MTUS2: variants seen among roughly 807,000 people sequenced by gnomAD.
MTUS2 encodes the protein microtubule-associated tumor suppressor candidate 2.
MTUS2 carries 40 observed loss-of-function variants against 114.1 expected under a neutral mutation model. The observed-to-expected ratio is 0.35, with a 90% CI of 0.27 to 0.46. The LOEUF (loss-of-function observed/expected upper bound fraction) is 0.46, where lower values mean the gene tolerates loss of function less well. MTUS2 is among the 20% of genes least tolerant of loss of function. MTUS2 has a pLI of 1.00. For synonymous variants in MTUS2, 688 were observed against 672.0 expected, an observed-to-expected ratio of 1.02 and a Z score of -0.37; for missense variants, 1,679 against 1,705.4, an observed-to-expected ratio of 0.98 and a Z score of 0.27.
At chr13:29,447,286 G>A (rs965621837) in intron 9 of MTUS2, among the ~76,000 whole-genome samples, 3 of 152,050 alleles carry the variant, frequency 2.0e-5, no homozygotes, top group South Asian at 4.2e-4. Context: ...GTCATGAACC[G>A]GGAGACCTCA....
intron 8 of MTUS2, among the ~76,000 whole-genome samples, chr13:29,366,394 C>A (rs781483179): frequency 1.3e-5 from 2 of 152,134 alleles, no homozygotes; most frequent in Non-Finnish European, 2.9e-5. Flanking sequence ...CCACCAGGTC[C>A]CTCCCATAAC....
Position 29,025,021 on chromosome 13 carries a change from T to C in MTUS2, c.323T>C (p.Leu108Pro). The C allele has an allele frequency of 6.2e-7, 1 of 1,613,926 alleles. No individual in the cohort carries two copies. The highest frequency in any genetic ancestry group is 1.3e-5 in the African/African-American group (1 of 75,036). Residue 108 changes from leucine to proline, a missense_variant, in exon 3 of 16, where the codon CTC becomes CCC. Coordinates refer to ENST00000612955, the MANE Select transcript of MTUS2 (RefSeq NM_001033602.4). ...FRLSSTIQRE[L>P]NEEHTVERGT... ...CTTTCTTCAACCATTCAGAGGGAAC[T>C]CAATGAAGAGCACACAGTGGAGAGA...
intron 5 of MTUS2, among the ~76,000 whole-genome samples, chr13:29,223,040 C>A (rs1348692611): frequency 6.6e-6 from 1 of 152,182 alleles, no homozygotes; most frequent in Non-Finnish European, 1.5e-5. Flanking sequence ...ACAGTCTGGA[C>A]ACTGTGGGCA....
At chr13:28,877,514 G>C (rs1248426186) in intron 2 of MTUS2, among the ~76,000 whole-genome samples, 1 of 152,128 alleles carries the variant, frequency 6.6e-6, no homozygotes, top group Admixed American at 6.6e-5. Flanking sequence ...TTTATAACTT[G>C]TAAGACAGTA....
chr13:29,196,739 G>T (rs7332404), intron 5 of MTUS2, among the ~76,000 whole-genome samples: 12 of 152,098 alleles, frequency 7.9e-5, no homozygotes, highest in African/African-American at 2.7e-4. Context: ...TTCATTTAGC[G>T]TGATGTCTCT....
At chr13:29,167,506 A>C (rs889169782) in intron 5 of MTUS2, among the ~76,000 whole-genome samples, 9 of 151,820 alleles carry the variant, frequency 5.9e-5, no homozygotes, top group African/African-American at 2.2e-4. Context: ...AATCACTTCA[A>C]TTGTTGAAAA....
intron 9 of MTUS2, among the ~76,000 whole-genome samples, chr13:29,453,740 C>G (rs1295208169): frequency 6.7e-6 from 1 of 149,320 alleles, no homozygotes; most frequent in Non-Finnish European, 1.5e-5. Flanking sequence ...GAAGACAGTT[C>G]TGTTTCCATA....
At chr13:29,390,148 A>G in intron 8 of MTUS2, among the ~76,000 whole-genome samples, 1 of 104,426 alleles carries the variant, frequency 9.6e-6, no homozygotes. Flanking sequence ...CTATATATAT[A>G]TACACACACA....
At chr13:29,370,030 G>A (rs1416765245) in intron 8 of MTUS2, among the ~76,000 whole-genome samples, 1 of 152,164 alleles carries the variant, frequency 6.6e-6, no homozygotes, top group African/African-American at 2.4e-5. Context: ...CTTTTAATGT[G>A]AATGGTCTAA....
At chr13:29,371,042 A>T (rs1465234797) in intron 8 of MTUS2, among the ~76,000 whole-genome samples, 1 of 152,210 alleles carries the variant, frequency 6.6e-6, no homozygotes, top group East Asian at 1.9e-4. Flanking sequence ...TTGTGTGCTC[A>T]GGTGATGTTC....
chr13:28,946,536 A>G (rs1404919557), intron 2 of MTUS2, among the ~76,000 whole-genome samples: 1 of 152,222 alleles, frequency 6.6e-6, no homozygotes, highest in Non-Finnish European at 1.5e-5. Context: ...AACAACTATT[A>G]TGTAACATCA....
At chr13:29,441,018 C>T (rs546835761) in intron 9 of MTUS2, among the ~76,000 whole-genome samples, 4 of 152,324 alleles carry the variant, frequency 2.6e-5, no homozygotes, top group South Asian at 4.1e-4. Context: ...CCTGTGAGTT[C>T]TGTGACTTCT....
At chr13:29,492,579 C>G in intron 11 of MTUS2, 67 bp from the exon 12 acceptor site, 2 of 1,356,398 alleles carry the variant, frequency 1.5e-6, no homozygotes, top group East Asian at 2.3e-5. Flanking sequence ...TTAAGTCTGC[C>G]AAAAGAGCCT....
At chr13:29,040,047 T>C (rs926438987) in intron 4 of MTUS2, among the ~76,000 whole-genome samples, 30 of 152,220 alleles carry the variant, frequency 2.0e-4, no homozygotes, top group African/African-American at 7.2e-4. Context: ...TGGTGATTTC[T>C]GAGGTCTTGG....
At chr13:28,861,803 A>T (rs555122719) in intron 2 of MTUS2, among the ~76,000 whole-genome samples, 1 of 152,136 alleles carries the variant, frequency 6.6e-6, no homozygotes, top group Admixed American at 6.5e-5. Flanking sequence ...ACTGCTCTGG[A>T]GGCGTGAGTG....
At chr13:29,077,450 A>G (rs1293805853) in intron 4 of MTUS2, among the ~76,000 whole-genome samples, 3 of 152,258 alleles carry the variant, frequency 2.0e-5, no homozygotes, top group African/African-American at 7.2e-5. Flanking sequence ...AATGTACCAG[A>G]GAAAAACTTC....
intron 9 of MTUS2, among the ~76,000 whole-genome samples, chr13:29,465,887 G>A (rs895375602): frequency 3.3e-5 from 5 of 152,234 alleles, no homozygotes; most frequent in Non-Finnish European, 7.3e-5. Context: ...CAGTCTGCCT[G>A]CTGGCAGGAA....
chr13:29,004,651 C>T (rs1440124092), intron 2 of MTUS2, among the ~76,000 whole-genome samples: 1 of 152,192 alleles, frequency 6.6e-6, no homozygotes, highest in East Asian at 1.9e-4. Flanking sequence ...GTTAGTTTAG[C>T]TTGCCAGAAA....
At chr13:29,466,738 G>A (rs540785906) in intron 9 of MTUS2, among the ~76,000 whole-genome samples, 1 of 152,098 alleles carries the variant, frequency 6.6e-6, no homozygotes, top group South Asian at 2.1e-4. Context: ...TTAGCCAGGT[G>A]TGGTGGTGCG....
Sources: allele counts gnomAD v4.1 joint callset (sites outside exome capture counted in the v4.1 genomes callset), GRCh38; gene constraint gnomAD v4.1.1; transcripts MANE v1.5; gene names NCBI Gene and HGNC (gene_info 2026-07-23, HGNC 2026-07-21).